SAR1A: variants seen among roughly 807,000 people sequenced by gnomAD.
SAR1A encodes the protein small COPII coat GTPase SAR1A.
A neutral mutation model predicts 22.6 loss-of-function variants in SAR1A; 6 were observed. That is an observed-to-expected ratio of 0.27 (90% confidence interval 0.15 to 0.52). SAR1A has a LOEUF of 0.52. Ranked by LOEUF, SAR1A falls within the 20% of genes least tolerant of loss-of-function variation. The probability of loss-of-function intolerance (pLI) is 0.96; values close to 1 mark genes in which losing one functional copy is unlikely to be tolerated. For missense variants in SAR1A, 145 were observed against 245.1 expected (o/e 0.59, Z 2.73); for synonymous variants, 70 against 82.2 (o/e 0.85, Z 0.80).
rs912018881 is a variant in SAR1A, at chr10:70,158,601, G to A, written c.245-734C>T. 3.9e-5 allele frequency among the ~76,000 whole-genome samples: 6 copies of A among 152,092 alleles called. 1 individual carries two copies. Among genetic ancestry groups the A allele is most frequent in the Non-Finnish European group, 8.8e-5 (6 of 68,028 alleles). On this transcript the variant is annotated intron_variant, in intron 4 of 6. Transcript: ENST00000373241. ...TAGCCCTTGCAATAGAATGAATAAC[G>A]AACCATCTCTACATCAGTTAATAAT...
intron 1 of SAR1A, among the ~76,000 whole-genome samples, chr10:70,169,263 T>TG (rs1213780331): frequency 6.7e-6 from 1 of 150,270 alleles, no homozygotes; most frequent in Non-Finnish European, 1.5e-5. Flanking sequence ...ACAAAATTGC[T>TG]GGGGAAAAAA....
intron 1 of SAR1A, among the ~76,000 whole-genome samples, chr10:70,167,834 A>G (rs1287305288): frequency 6.6e-6 from 1 of 152,228 alleles, no homozygotes; most frequent in African/African-American, 2.4e-5. Context: ...TGCCTTTTCA[A>G]TAACAAATAT....
At chr10:70,169,239 T>G (rs3858169) in intron 1 of SAR1A, among the ~76,000 whole-genome samples, 57,953 of 151,462 alleles carry the variant, frequency 0.38, 12,077 homozygotes, top group East Asian at 0.56. Context: ...GTACATAAAA[T>G]TCAAACCCAA....
intron 3 of SAR1A, 26 bp from the exon 4 acceptor site, chr10:70,161,095 A>T: frequency 6.3e-7 from 1 of 1,582,230 alleles, no homozygotes; most frequent in Non-Finnish European, 8.7e-7. Context: ...AAAAGAAGAA[A>T]AAAACTTGTC....
Position 70,152,273 on chromosome 10 carries a change from AC to A in SAR1A, c.*202del. On this transcript the variant is annotated 3_prime_UTR_variant, in exon 7 of 7. Transcript: ENST00000373241. The stretch of plus-strand genomic sequence containing the variant: ...TCCCAGGATACTGACCTGCACCAGC[AC>A]GTGGGGCAGCATTACCTCCCAACAG... 1.0e-6 allele frequency: 1 copy of A among 984,966 alleles called. No homozygotes were observed. The highest frequency in any genetic ancestry group is 1.5e-6 in the Non-Finnish European group (1 of 665,632). The allele number at this position is 984,966 out of a possible 1,614,324, so 61.0% of individuals were successfully genotyped here. A position where few individuals can be genotyped will look rare whatever the true frequency, so the allele number is the denominator to read the frequency against.
At chr10:70,168,824 G>A (rs1297316978) in intron 1 of SAR1A, among the ~76,000 whole-genome samples, 11 of 151,528 alleles carry the variant, frequency 7.3e-5, no homozygotes, top group Admixed American at 3.3e-4. Flanking sequence ...TTAAGAAAAT[G>A]CCCCCGCCCC....
In SAR1A at chr10:70,150,889, C is replaced by A. The variant is rs1342119802; in HGVS notation, c.*1587G>T. The stretch of plus-strand genomic sequence containing the variant: ...TGGAGAATAAGAATGAGAACTCCAA[C>A]TAAAGAACAATGCCTCCCTCACCCC... On this transcript the variant is annotated 3_prime_UTR_variant, in exon 7 of 7. Transcript: ENST00000373241. The A allele has an allele frequency of 6.6e-6, 1 of 152,414 alleles. No homozygotes were observed. 9.4% of individuals were successfully genotyped at this position (152,414 alleles called of 1,614,324 possible). A position where few individuals can be genotyped will look rare whatever the true frequency, so the allele number is the denominator to read the frequency against.
At chr10:70,155,082 A>G (rs750802837) in intron 5 of SAR1A, 7 of 526,972 alleles carry the variant, frequency 1.3e-5, no homozygotes, top group Non-Finnish European at 2.3e-5. Flanking sequence ...AGAAGAGATG[A>G]CTCACATTAG....
At chr10:70,165,954 C>A (rs1050502964) in intron 1 of SAR1A, among the ~76,000 whole-genome samples, 4 of 152,238 alleles carry the variant, frequency 2.6e-5, no homozygotes, top group African/African-American at 9.6e-5. Context: ...TCAACCTGAT[C>A]AGTCAACAGC....
At chr10:70,165,082 G>T (rs536121978) in intron 1 of SAR1A, among the ~76,000 whole-genome samples, 3 of 151,786 alleles carry the variant, frequency 2.0e-5, no homozygotes, top group African/African-American at 7.3e-5. Flanking sequence ...CGGCTAAAAC[G>T]GTGAAACCCC....
chr10:70,169,979 G>C (rs1485611074), intron 1 of SAR1A, among the ~76,000 whole-genome samples: 6 of 152,150 alleles, frequency 3.9e-5, no homozygotes, highest in Non-Finnish European at 8.8e-5. Context: ...GACCAGGTTC[G>C]AGCGCTCACA....
At position 70,148,950 on chromosome 10, in the gene SAR1A, G is replaced by C. The variant is rs1462798215; in HGVS notation, c.*3526C>G. ...CCCAAGTCACAGCCAGAACGCCAAA[G>C]TAAGATCTGTTGAGTGCTAGGCTCA... On this transcript the variant is annotated 3_prime_UTR_variant, in exon 7 of 7. Coordinates refer to ENST00000373241, the MANE Select transcript of SAR1A (RefSeq NM_020150.5). 6.6e-6 allele frequency: 1 copy of C among 152,298 alleles called. No individual in the cohort carries two copies. Among genetic ancestry groups the C allele is most frequent in the Non-Finnish European group, 1.5e-5 (1 of 68,122 alleles). The allele number at this position is 152,298 out of a possible 1,614,324, so 9.4% of individuals were successfully genotyped here.
At chr10:70,162,079 C>T (rs1418598954) in intron 1 of SAR1A, 148 bp from the exon 2 acceptor site, 2 of 619,500 alleles carry the variant, frequency 3.2e-6, no homozygotes, top group African/African-American at 1.8e-5. Flanking sequence ...GTGGCTCACA[C>T]CTGGAATCCC....
At chr10:70,152,630 T>A (rs1589872970) in intron 6 of SAR1A, 38 bp from the exon 7 acceptor site, 1 of 1,315,168 alleles carries the variant, frequency 7.6e-7, no homozygotes, top group African/African-American at 1.4e-5. Context: ...TGTTAGCATC[T>A]CTGTGGTGGA....
intron 4 of SAR1A, 66 bp from the exon 5 acceptor site, chr10:70,157,933 G>T: frequency 3.7e-6 from 4 of 1,091,370 alleles, no homozygotes; most frequent in Non-Finnish European, 5.5e-6. Flanking sequence ...TAACCTAATG[G>T]TCTATAAAAT....
chr10:70,170,006 C>T (rs560198459), intron 1 of SAR1A, among the ~76,000 whole-genome samples: 2 of 152,126 alleles, frequency 1.3e-5, no homozygotes, highest in Admixed American at 6.5e-5. Flanking sequence ...AACTGCGGAG[C>T]CTTGGCCAGC....
chr10:70,161,358 T>C, intron 3 of SAR1A: 2 of 552,776 alleles, frequency 3.6e-6, no homozygotes, highest in Middle Eastern at 4.8e-4. Context: ...GTTTCTTTTC[T>C]TCCAAGCTAT....
chr10:70,169,045 T>C (rs1010197066), intron 1 of SAR1A, among the ~76,000 whole-genome samples: 1 of 152,170 alleles, frequency 6.6e-6, no homozygotes, highest in Non-Finnish European at 1.5e-5. Flanking sequence ...ACAGTACTTG[T>C]ACATCTCATT....
rs1428066389 is a variant in SAR1A, at chr10:70,169,077, C to T, written c.-17+1336G>A. 2.0e-5 allele frequency among the ~76,000 whole-genome samples: 3 copies of T among 152,166 alleles called. No homozygotes were observed. The East Asian group carries it at 5.8e-4, about 29-fold the overall frequency. ...CATTTCATCCCCACACCAACCCTACCAGGCAAGGATCACTGGCCTCATTTA... is the reference window on the plus strand; with the variant it reads ...CATTTCATCCCCACACCAACCCTACTAGGCAAGGATCACTGGCCTCATTTA... On this transcript the variant is annotated intron_variant, in intron 1 of 6. Transcript: ENST00000373241.
Sources: gnomAD v4.1 joint callset for allele counts (sites outside exome capture counted in the v4.1 genomes callset) on GRCh38, gnomAD v4.1.1 for gene constraint, MANE v1.5 for transcripts, NCBI Gene and HGNC (gene_info 2026-07-23, HGNC 2026-07-21) for gene names.